KIF21A: variants seen among roughly 807,000 people sequenced by gnomAD.
KIF21A encodes the protein kinesin family member 21A.
A neutral mutation model predicts 202.9 loss-of-function variants in KIF21A; 114 were observed. The observed-to-expected ratio is 0.56, with a 90% confidence interval of 0.48 to 0.66. KIF21A has a LOEUF of 0.66. KIF21A is among the 30% of genes least tolerant of loss of function. The pLI is 0.00. For synonymous variants in KIF21A, 667 were observed against 670.8 expected (o/e 0.99, Z 0.09); for missense variants, 1,677 against 1,994.9 (o/e 0.84, Z 3.04).
chr12:39,425,412 TA>T (rs1954665870), intron 1 of KIF21A, among the ~76,000 whole-genome samples: 2 of 152,166 alleles, frequency 1.3e-5, no homozygotes, highest in African/African-American at 4.8e-5. Context: ...TAATCCGAAG[TA>T]AATTATATTT....
intron 1 of KIF21A, among the ~76,000 whole-genome samples, chr12:39,377,679 G>T (rs1298405677): frequency 6.6e-6 from 1 of 152,016 alleles, no homozygotes. Context: ...TGAGAAGAAA[G>T]GTATTTCTTC....
intron 1 of KIF21A, among the ~76,000 whole-genome samples, chr12:39,430,366 A>C (rs1357990208): frequency 6.6e-6 from 1 of 151,878 alleles, no homozygotes; most frequent in East Asian, 1.9e-4. Context: ...AAGAGTTCAA[A>C]ACCAGCCTGG....
At chr12:39,436,088 A>G (rs970026235) in intron 1 of KIF21A, among the ~76,000 whole-genome samples, 1 of 152,148 alleles carries the variant, frequency 6.6e-6, no homozygotes, top group Admixed American at 6.5e-5. Context: ...AGGTGCTTCT[A>G]AAGTCAAAAT....
At position 39,368,021 on chromosome 12, in the gene KIF21A, T is replaced by C; in HGVS notation, c.462A>G (p.Glu154=). The change falls in exon 4 of 38, where the codon GAA becomes GAG. Residue 154 remains glutamate (E), a synonymous_variant. Coordinates refer to ENST00000361418, the MANE Select transcript of KIF21A (RefSeq NM_001173464.2). ...TGGTATCAAATAAGTCAAGGACCTCTTCATTATAGAGCTATCAAAAAAATA... is the reference window on the plus strand; with the variant it reads ...TGGTATCAAATAAGTCAAGGACCTCCTCATTATAGAGCTATCAAAAAAATA... The part of the protein sequence containing the change: ...VNAQFLELYN[E]EVLDLFDTTR... 6.3e-7 allele frequency: 1 copy of C among 1,588,876 alleles called. No homozygotes were observed. The highest frequency in any genetic ancestry group is 2.2e-5 in the East Asian group (1 of 44,596).
At chr12:39,412,764 A>G (rs1953214379) in intron 1 of KIF21A, among the ~76,000 whole-genome samples, 1 of 152,146 alleles carries the variant, frequency 6.6e-6, no homozygotes, top group African/African-American at 2.4e-5. Context: ...TAACTAATGC[A>G]TCTCCATAAT....
chr12:39,416,648 CATATATATGTGTATATATATATGTACAT>C (rs1566265031), intron 1 of KIF21A, among the ~76,000 whole-genome samples: 3 of 126,398 alleles, frequency 2.4e-5, no homozygotes, highest in African/African-American at 1.0e-4. Context: ...TATATATGTA[CATATATATGTGTATATATATATGTACAT>C]ATATATGTGT....
At position 39,342,557 on chromosome 12, in the gene KIF21A, C is replaced by T. The variant is rs191125544; in HGVS notation, c.1713-433G>A. ...CTACATTTTCACTGATGTCCTAATA[C>T]ATTTAAGAGTAAATTTAAAGTTCCA... On this transcript the variant is annotated intron_variant, in intron 12 of 37. Coordinates refer to ENST00000361418, the MANE Select transcript of KIF21A (RefSeq NM_001173464.2). Among the ~76,000 whole-genome samples, 519 of 152,242 alleles carry T rather than the reference C, an allele frequency of 3.4e-3. 7 individuals carry two copies. The highest frequency in any genetic ancestry group is 4.2e-3 in the Non-Finnish European group (289 of 68,014).
chr12:39,426,635 G>T (rs1954774612), intron 1 of KIF21A, among the ~76,000 whole-genome samples: 1 of 151,892 alleles, frequency 6.6e-6, no homozygotes, highest in South Asian at 2.1e-4. Context: ...CACTTTGTGA[G>T]GCCGAGGTGG....
Position 39,330,881 on chromosome 12 carries a change from T to C in KIF21A, c.3184A>G (p.Ile1062Val). The C allele has an allele frequency of 6.2e-7, 1 of 1,614,026 alleles. No individual in the cohort carries two copies. The highest frequency in any genetic ancestry group is 8.5e-7 in the Non-Finnish European group (1 of 1,179,912). ...GLQAAQKEAQ[I>V]KVLEGRLKQT... Reference sequence around the variant, plus strand: ...TTGAGTCGACCTTCCAGTACTTTAATTTGAGCCTCTTTCTGGGCAGCCTGA... The same window carrying C: ...TTGAGTCGACCTTCCAGTACTTTAACTTGAGCCTCTTTCTGGGCAGCCTGA... The change falls in exon 23 of 38, where the codon ATT (isoleucine) becomes GTT (valine). Residue 1062 changes from isoleucine to valine, a missense_variant. Around this residue, in one of 3 missense-constraint regions of KIF21A, gnomAD observed 705 missense variants for 791.9 expected, o/e 0.89. Coordinates refer to ENST00000361418, the MANE Select transcript of KIF21A (RefSeq NM_001173464.2).
rs191150586 is a variant in KIF21A, at chr12:39,346,472, T to G, written c.1706A>C (p.Glu569Ala). The G allele has an allele frequency of 9.5e-6, 14 of 1,476,728 alleles. No homozygotes were observed. The Admixed American group carries it at 2.5e-4, about 26-fold the overall frequency. The allele number at this position is 1,476,728 out of a possible 1,614,324, so 91.5% of individuals were successfully genotyped here. ...ACCTGGGAAATATTCCAACCTTCTT[T>G]CTTCTCGATTGCTTTCCTCAAGTTT... The part of the protein sequence containing the change: ...LQKLEESNRE[E>A]RSVAGKEDNT... The change falls in exon 12 of 38, where the codon GAA (glutamate) becomes GCA (alanine). Residue 569 changes from glutamate (E) to alanine (A), a missense_variant. Glu to Ala is a moderately radical substitution (Grantham distance 107). This residue lies in a region of KIF21A where 966 missense variants were observed against 1,180.9 expected (regional missense o/e 0.82). Transcript: ENST00000361418.
chr12:39,436,443 TATA>T (rs1297868782), intron 1 of KIF21A, among the ~76,000 whole-genome samples: 1 of 118,500 alleles, frequency 8.4e-6, no homozygotes, highest in African/African-American at 4.0e-5. Context: ...TATATATATA[TATA>T]TATTTTTTTT....
chr12:39,299,096 A>G (rs1453422224), intron 37 of KIF21A, among the ~76,000 whole-genome samples: 5 of 152,130 alleles, frequency 3.3e-5, no homozygotes, highest in Admixed American at 6.5e-5. Flanking sequence ...TTTGCATGTG[A>G]TAGACACTGA....
At chr12:39,407,223 T>C (rs1952663996) in intron 1 of KIF21A, among the ~76,000 whole-genome samples, 1 of 152,224 alleles carries the variant, frequency 6.6e-6, no homozygotes, top group Non-Finnish European at 1.5e-5. Context: ...ATTTTTACAG[T>C]GGGGGTCAAA....
chr12:39,317,940 C>T, intron 29 of KIF21A, 133 bp downstream of exon 29: 1 of 882,314 alleles, frequency 1.1e-6, no homozygotes, highest in Non-Finnish European at 1.8e-6. Flanking sequence ...TGGAAAGATG[C>T]ATAAAATATG....
chr12:39,389,773 G>GTT (rs1951215191), intron 1 of KIF21A, among the ~76,000 whole-genome samples: 1 of 152,044 alleles, frequency 6.6e-6, no homozygotes, highest in Admixed American at 6.5e-5. Flanking sequence ...GGTATCTATT[G>GTT]TTATGAAGAT....
Position 39,340,248 on chromosome 12 carries a change from C to T in KIF21A, c.2227G>A (p.Ala743Thr), listed in dbSNP as rs1486943329. 2 of 1,613,120 alleles carry T rather than the reference C, an allele frequency of 1.2e-6. No individual in the cohort carries two copies. The highest frequency in any genetic ancestry group is 2.2e-5 in the East Asian group (1 of 44,814). ...TGAGACTGATTTTTAAGCAACCTTGCATGTTCTTTTTGAGCTGCTTGAAGT... is the reference window on the plus strand; with the variant it reads ...TGAGACTGATTTTTAAGCAACCTTGTATGTTCTTTTTGAGCTGCTTGAAGT... ...QRLQAAQKEHARLLKNQSQYE... is the reference protein window; with the variant it reads ...QRLQAAQKEHTRLLKNQSQYE... Residue 743 changes from alanine (A) to threonine (T), a missense_variant, in exon 16 of 38, where the codon GCA (alanine) becomes ACA (threonine). Ala to Thr is a moderately conservative substitution (Grantham distance 58, BLOSUM62 0). This residue lies in a region of KIF21A where 966 missense variants were observed against 1,180.9 expected (regional missense o/e 0.82). Coordinates refer to ENST00000361418, the MANE Select transcript of KIF21A (RefSeq NM_001173464.2).
intron 1 of KIF21A, among the ~76,000 whole-genome samples, chr12:39,379,071 C>T (rs1950443495): frequency 6.6e-6 from 1 of 152,088 alleles, no homozygotes; most frequent in African/African-American, 2.4e-5. Context: ...GTGATTCATG[C>T]CTGTAATCCC....
chr12:39,312,490 T>C (rs1238356506), intron 31 of KIF21A: 3 of 151,910 alleles, frequency 2.0e-5, no homozygotes, highest in African/African-American at 7.2e-5. Context: ...TTGATAATAA[T>C]TGTACATTTT....
chr12:39,357,981 A>ACAGTT (rs1948924429), intron 8 of KIF21A, among the ~76,000 whole-genome samples, 197 bp downstream of exon 8: 1 of 149,334 alleles, frequency 6.7e-6, no homozygotes, highest in Non-Finnish European at 1.5e-5. Flanking sequence ...TTTTGAACAA[A>ACAGTT]CAGTTGTTAA....
Sources: gnomAD v4.1 joint callset for allele counts (sites outside exome capture counted in the v4.1 genomes callset) on GRCh38, gnomAD v4.1.1 for gene constraint, gnomAD v4.1.1 regional missense constraint, MANE v1.5 for transcripts, NCBI Gene and HGNC (gene_info 2026-07-23, HGNC 2026-07-21) for gene names.